The following PLCXD3 variants were observed in gnomAD, a reference collection of about 807,000 sequenced individuals.
The protein encoded by PLCXD3 is PI-PLC X domain-containing protein 3.
In PLCXD3, 19 loss-of-function variants were observed where a neutral mutation model predicts 25.5. The ratio of observed to expected loss-of-function variants is 0.75; its 90% CI spans 0.52 to 1.09. PLCXD3 has a LOEUF of 1.09. Among genes scored for constraint, PLCXD3 ranks in the 50% least tolerant of loss-of-function variants. The pLI, the probability that PLCXD3 is intolerant of heterozygous loss-of-function variation, is 0.00. For missense variants in PLCXD3, 411 were observed against 388.1 expected, an observed-to-expected ratio of 1.06 and a Z score of -0.50; for synonymous variants, 174 against 137.6, an observed-to-expected ratio of 1.26 and a Z score of -1.85.
At chr5:41,486,283 T>C (rs1348382899) in intron 1 of PLCXD3, among the ~76,000 whole-genome samples, 1 of 151,894 alleles carries the variant, frequency 6.6e-6, no homozygotes, top group Non-Finnish European at 1.5e-5. Context: ...CTCTGTTTCC[T>C]CTGCTGGGGA....
rs1743147239 is a variant in PLCXD3, at chr5:41,312,089, TAA to T, written c.*1526_*1527del. ...TACATAGGCAAGGATTATTGTGCTC[TAA>T]GTTTTTTTTTTTTATTTTTTAGAGT... is the stretch of plus-strand genomic sequence containing the variant. On this transcript the variant is annotated 3_prime_UTR_variant, in exon 3 of 3. Coordinates refer to ENST00000377801, the MANE Select transcript of PLCXD3 (RefSeq NM_001005473.3). 1.4e-5 allele frequency: 2 copies of T among 146,800 alleles called. No homozygotes were observed. Among genetic ancestry groups the T allele is most frequent in the African/African-American group, 2.7e-5 (1 of 37,250 alleles). The allele number at this position is 146,800 out of a possible 1,614,324, so 9.1% of individuals were successfully genotyped here.
chr5:41,417,268 G>C (rs10044440), intron 1 of PLCXD3, among the ~76,000 whole-genome samples: 6 of 151,864 alleles, frequency 4.0e-5, no homozygotes, highest in Non-Finnish European at 8.8e-5. Flanking sequence ...CTGGAGGAAG[G>C]TTCCATTGCT....
At chr5:41,347,643 G>T (rs1197461319) in intron 2 of PLCXD3, among the ~76,000 whole-genome samples, 3 of 152,120 alleles carry the variant, frequency 2.0e-5, no homozygotes, top group African/African-American at 7.2e-5. Flanking sequence ...AGCTATTAAA[G>T]GAAGACATGG....
chr5:41,418,262 G>T (rs941822096), intron 1 of PLCXD3, among the ~76,000 whole-genome samples: 1 of 152,126 alleles, frequency 6.6e-6, no homozygotes. Context: ...ATTAATAAGA[G>T]GAGGTCAAAA....
At chr5:41,465,155 T>C (rs1425788370) in intron 1 of PLCXD3, among the ~76,000 whole-genome samples, 1 of 151,978 alleles carries the variant, frequency 6.6e-6, no homozygotes, top group Non-Finnish European at 1.5e-5. Flanking sequence ...CTAAGCTTGC[T>C]AAACGTATGA....
intron 2 of PLCXD3, among the ~76,000 whole-genome samples, chr5:41,337,556 T>C (rs1744020537): frequency 1.3e-5 from 2 of 152,208 alleles, no homozygotes; most frequent in Non-Finnish European, 2.9e-5. Context: ...GAAATTTCAC[T>C]TTCTTTAGAG....
intron 1 of PLCXD3, among the ~76,000 whole-genome samples, chr5:41,451,983 G>A (rs962905552): frequency 2.6e-5 from 4 of 151,952 alleles, no homozygotes; most frequent in African/African-American, 9.7e-5. Context: ...TATCTTGATT[G>A]CCATACTTTC....
chr5:41,379,347 A>G (rs1018402767), intron 2 of PLCXD3, among the ~76,000 whole-genome samples: 2 of 152,116 alleles, frequency 1.3e-5, no homozygotes, highest in Admixed American at 1.3e-4. Context: ...AGAAAAAATA[A>G]CGTTTGTAGA....
At chr5:41,501,003 A>G (rs1748939180) in intron 1 of PLCXD3, among the ~76,000 whole-genome samples, 1 of 151,966 alleles carries the variant, frequency 6.6e-6, no homozygotes, top group Non-Finnish European at 1.5e-5. Flanking sequence ...AAACCACGGT[A>G]AGATATCACC....
At chr5:41,361,228 A>C (rs1744764228) in intron 2 of PLCXD3, among the ~76,000 whole-genome samples, 1 of 152,190 alleles carries the variant, frequency 6.6e-6, no homozygotes, top group Middle Eastern at 3.2e-3. Flanking sequence ...TGCAGCCAGC[A>C]GTCCTAAAGG....
At chr5:41,403,854 G>A (rs924562444) in intron 1 of PLCXD3, among the ~76,000 whole-genome samples, 13 of 150,728 alleles carry the variant, frequency 8.6e-5, no homozygotes, top group East Asian at 4.0e-4. Flanking sequence ...GAATAGTGCC[G>A]CAATAAACAT....
intron 2 of PLCXD3, among the ~76,000 whole-genome samples, chr5:41,379,007 TG>T (rs1227020232): frequency 1.3e-5 from 2 of 152,106 alleles, no homozygotes; most frequent in Non-Finnish European, 2.9e-5. Flanking sequence ...TTGGCTAAAA[TG>T]CAAAGCAAGC....
rs570964299 is a variant in PLCXD3, at chr5:41,468,654, T to G, written c.103+41770A>C. Among the ~76,000 whole-genome samples the G allele has an allele frequency of 1.4e-3, 215 of 152,334 alleles. 1 individual carries two copies. In the Middle Eastern group the frequency reaches 0.017, roughly 12 times the overall value. On this transcript the variant is annotated intron_variant, in intron 1 of 2. Transcript: ENST00000377801. ...GTTGCTATTGTAAATGGGATTATTT[T>G]ATTTTTCTTTCAGATAGTCTGTTAT...
intron 2 of PLCXD3, among the ~76,000 whole-genome samples, chr5:41,379,738 A>C (rs1301554360): frequency 1.3e-5 from 2 of 152,202 alleles, no homozygotes; most frequent in East Asian, 1.9e-4. Flanking sequence ...CTTCAGTAAA[A>C]TCTAAAAAAC....
intron 1 of PLCXD3, among the ~76,000 whole-genome samples, chr5:41,466,070 AG>A (rs1419613821): frequency 2.6e-5 from 4 of 152,116 alleles, no homozygotes; most frequent in African/African-American, 7.2e-5. Context: ...AGTGGAAAAA[AG>A]TATTGCTTTC....
At chr5:41,444,696 G>A (rs318070) in intron 1 of PLCXD3, among the ~76,000 whole-genome samples, 145,203 of 152,212 alleles carry the variant, frequency 0.95, 69,472 homozygotes, top group African/African-American at 0.99. Flanking sequence ...GAAATGCATT[G>A]TCAAATGGCC....
At chr5:41,491,458 T>G (rs1211312063) in intron 1 of PLCXD3, among the ~76,000 whole-genome samples, 2 of 152,216 alleles carry the variant, frequency 1.3e-5, no homozygotes, top group African/African-American at 2.4e-5. Context: ...GTCCACTTGG[T>G]GCAGAGCTGA....
At chr5:41,399,838 A>C (rs952209385) in intron 1 of PLCXD3, among the ~76,000 whole-genome samples, 3 of 152,186 alleles carry the variant, frequency 2.0e-5, no homozygotes, top group African/African-American at 4.8e-5. Flanking sequence ...GCAAACATGG[A>C]CATATGGGAT....
chr5:41,382,616 C>G (rs776550251), intron 1 of PLCXD3, 82 bp from the exon 2 acceptor site: 2 of 1,080,358 alleles, frequency 1.9e-6, no homozygotes, highest in African/African-American at 3.2e-5. Flanking sequence ...AATATCCATA[C>G]CTCTCCCTCA....
Sources: gnomAD v4.1 joint callset for allele counts (sites outside exome capture counted in the v4.1 genomes callset) on GRCh38, gnomAD v4.1.1 for gene constraint, MANE v1.5 for transcripts, NCBI Gene and HGNC (gene_info 2026-07-23, HGNC 2026-07-21) for gene names.